FARP2: variants seen among roughly 807,000 people sequenced by gnomAD.
FARP2 encodes the protein FERM, ARHGEF and pleckstrin domain-containing protein 2.
Under a neutral mutation model 130.5 loss-of-function variants are expected in FARP2, and 111 were observed. That is an observed-to-expected ratio of 0.85 (90% confidence interval 0.73 to 1.00). The LOEUF is 1.00. FARP2 is among the 50% of genes least tolerant of loss of function. The pLI, the probability that FARP2 is intolerant of heterozygous loss-of-function variation, is 0.00. For missense variants in FARP2, 1,385 were observed against 1,346.3 expected (o/e 1.03, Z -0.45); for synonymous variants, 504 against 516.9 (o/e 0.98, Z 0.34).
intron 7 of FARP2, among the ~76,000 whole-genome samples, 172 bp from the exon 8 acceptor site, chr2:241,417,790 C>T (rs1025290989): frequency 1.3e-5 from 2 of 152,194 alleles, no homozygotes; most frequent in African/African-American, 4.8e-5. Context: ...TGTCTTTGGC[C>T]TGCACGTGTG....
chr2:241,434,869 A>G, intron 10 of FARP2, 93 bp from the exon 11 acceptor site: 1 of 793,252 alleles, frequency 1.3e-6, no homozygotes, highest in Non-Finnish European at 2.2e-6. Context: ...TATTTATGAG[A>G]GAGGATGGGT....
chr2:241,491,813 C>T (rs1206257748), intron 24 of FARP2, 134 bp downstream of exon 24: 2 of 819,470 alleles, frequency 2.4e-6, no homozygotes, highest in East Asian at 5.8e-5. Context: ...CTTACTCTCC[C>T]CTTGGTAGAA....
At chr2:241,386,187 G>A (rs1358038575) in intron 2 of FARP2, among the ~76,000 whole-genome samples, 1 of 152,062 alleles carries the variant, frequency 6.6e-6, no homozygotes, top group Non-Finnish European at 1.5e-5. Context: ...TGAACTCCAA[G>A]GCTCAAGTGA....
At position 241,357,545 on chromosome 2, in the gene FARP2, C is replaced by G. The variant is rs2061096644; in HGVS notation, c.-25+1157C>G. Among the ~76,000 whole-genome samples, 5 of 152,168 alleles carry G rather than the reference C, an allele frequency of 3.3e-5. No homozygotes were observed. The South Asian group carries it at 1.0e-3, about 31-fold the overall frequency. The stretch of plus-strand genomic sequence containing the variant: ...TCGTTATTTATTCAGTTTTCCAAAA[C>G]TCTTCAGAGACATGACCAAGTTGCA... On this transcript the variant is annotated intron_variant, in intron 1 of 26. Coordinates refer to ENST00000264042, the MANE Select transcript of FARP2 (RefSeq NM_014808.4).
chr2:241,365,553 A>G (rs1575451540), intron 1 of FARP2, among the ~76,000 whole-genome samples: 1 of 152,346 alleles, frequency 6.6e-6, no homozygotes, highest in South Asian at 2.1e-4. Flanking sequence ...CCTTATAGAT[A>G]ACATGTCTTA....
chr2:241,453,786 T>G (rs1209866140), intron 13 of FARP2, among the ~76,000 whole-genome samples: 3 of 120,282 alleles, frequency 2.5e-5, no homozygotes, highest in South Asian at 3.1e-4. Flanking sequence ...TTTTTTTTTT[T>G]TTTTTTTTTT....
intron 18 of FARP2, among the ~76,000 whole-genome samples, chr2:241,469,085 T>C (rs900597895): frequency 6.7e-6 from 1 of 148,658 alleles, no homozygotes; most frequent in Non-Finnish European, 1.5e-5. Context: ...ATGTTTATGG[T>C]TTTGTGGTTT....
intron 18 of FARP2, among the ~76,000 whole-genome samples, chr2:241,474,017 G>GA (rs1441845647): frequency 5.3e-5 from 8 of 152,158 alleles, no homozygotes; most frequent in Non-Finnish European, 8.8e-5. Context: ...GGAAAGGATA[G>GA]AGCTGCAGGC....
In FARP2 at chr2:241,419,309, C is replaced by G. The variant is rs542214793; in HGVS notation, c.771+1200C>G. On this transcript the variant is annotated intron_variant, in intron 8 of 26. Transcript: ENST00000264042. ...CTTCAGGTGGAGGGTCTGAGCATCCCCTGCCTACACCTGCTGATGAGTGTT... is the reference window on the plus strand; with the variant it reads ...CTTCAGGTGGAGGGTCTGAGCATCCGCTGCCTACACCTGCTGATGAGTGTT... Among the ~76,000 whole-genome samples, 8 of 152,104 alleles carry G rather than the reference C, an allele frequency of 5.3e-5. No homozygotes were observed. In the East Asian group the frequency reaches 1.4e-3, roughly 26 times the overall value.
At chr2:241,406,717 G>C (rs1017847927) in intron 4 of FARP2, among the ~76,000 whole-genome samples, 1 of 152,068 alleles carries the variant, frequency 6.6e-6, no homozygotes, top group Non-Finnish European at 1.5e-5. Flanking sequence ...ACCAGCCTCC[G>C]CCTCCCAAAG....
chr2:241,364,379 C>G lies in FARP2; in HGVS notation c.-25+7991C>G, dbSNP rs539155179. On this transcript the variant is annotated intron_variant, in intron 1 of 26. Transcript: ENST00000264042. ...CCCCAAGGAAATCCACATAAGACCC[C>G]AGGTCAGCTGACACCTTGACTTAGA... 1.3e-4 allele frequency among the ~76,000 whole-genome samples: 20 copies of G among 152,296 alleles called. No homozygotes were observed. In the South Asian group the frequency reaches 3.5e-3, roughly 27 times the overall value.
At chr2:241,492,478 G>A (rs1015165040) in intron 24 of FARP2, among the ~76,000 whole-genome samples, 6 of 152,196 alleles carry the variant, frequency 3.9e-5, no homozygotes, top group South Asian at 4.1e-4. Context: ...CCACTCCAGC[G>A]CCAAAGCCAT....
At chr2:241,422,681 G>A (rs1014056743) in intron 8 of FARP2, among the ~76,000 whole-genome samples, 40 of 152,134 alleles carry the variant, frequency 2.6e-4, no homozygotes, top group Admixed American at 2.6e-4. Context: ...ACTTTGCTGA[G>A]CTAAAGGAGC....
chr2:241,451,040 C>T (rs556375405), intron 13 of FARP2, among the ~76,000 whole-genome samples: 1 of 152,312 alleles, frequency 6.6e-6, no homozygotes, highest in South Asian at 2.1e-4. Flanking sequence ...GCAGCCTTGA[C>T]TTCCCAGGCT....
intron 7 of FARP2, among the ~76,000 whole-genome samples, 167 bp from the exon 8 acceptor site, chr2:241,417,795 C>T (rs971385332): frequency 1.1e-4 from 17 of 152,202 alleles, no homozygotes; most frequent in African/African-American, 2.9e-4. Flanking sequence ...TTGGCCTGCA[C>T]GTGTGGTATG....
At chr2:241,443,819 A>G (rs997814536) in intron 13 of FARP2, 3 of 152,222 alleles carry the variant, frequency 2.0e-5, no homozygotes, top group African/African-American at 7.2e-5. Context: ...ACCACATTTA[A>G]AGTTTAATTC....
Position 241,459,946 on chromosome 2 carries a change from T to C in FARP2, c.1588-2577T>C, listed in dbSNP as rs2063968863. Among the ~76,000 whole-genome samples, 1 of 152,168 alleles carries C rather than the reference T, an allele frequency of 6.6e-6. No homozygotes were observed. The highest frequency in any genetic ancestry group is 1.5e-5 in the Non-Finnish European group (1 of 68,008). ...CTCATCAGCGACTGCTGTGGCTCTC[T>C]GATGGCGTATGTGTCTCTATGTGCC... On this transcript the variant is annotated intron_variant, in intron 14 of 26. Transcript: ENST00000264042. This position sits in a 1 kb window ranked among gnomAD's most constrained non-coding sequence, Gnocchi z 5.3.
intron 2 of FARP2, among the ~76,000 whole-genome samples, chr2:241,379,590 TA>T (rs1326596929): frequency 3.9e-5 from 6 of 152,246 alleles, no homozygotes; most frequent in Admixed American, 6.5e-5. Flanking sequence ...TAGAAGACTT[TA>T]ACTTGCTATT....
chr2:241,441,811 A>G (rs1347235147), intron 13 of FARP2: 3 of 589,572 alleles, frequency 5.1e-6, no homozygotes, highest in Non-Finnish European at 9.3e-6. Context: ...TGAGGAGTTC[A>G]TAGACGATGA....
Sources: allele counts gnomAD v4.1 joint callset (sites outside exome capture counted in the v4.1 genomes callset), GRCh38; gene constraint gnomAD v4.1.1; non-coding constraint Gnocchi (gnomAD v3.1); transcripts MANE v1.5; gene names NCBI Gene and HGNC (gene_info 2026-07-23, HGNC 2026-07-21).